Variants in NALCN observed in about 807,000 individuals in gnomAD.
The protein encoded by NALCN is sodium leak channel, non-selective.
In NALCN, 111 loss-of-function variants were observed where a neutral mutation model predicts 225.3. The observed-to-expected ratio is 0.49, with a 90% CI of 0.42 to 0.58. The LOEUF (loss-of-function observed/expected upper bound fraction) is 0.58. NALCN is among the 20% of genes least tolerant of loss of function. NALCN has a pLI of 0.00. For missense variants in NALCN, 1,378 were observed against 2,202.4 expected (o/e 0.63, Z 7.49); for synonymous variants, 764 against 769.0 (o/e 0.99, Z 0.11).
intron 3 of NALCN, among the ~76,000 whole-genome samples, chr13:101,389,100 C>T (rs1189352979): frequency 6.6e-6 from 1 of 152,202 alleles, no homozygotes; most frequent in Non-Finnish European, 1.5e-5. Context: ...CTATGCTTAT[C>T]TAAACCTAGT....
intron 12 of NALCN, among the ~76,000 whole-genome samples, chr13:101,231,689 G>GAGTT (rs1401512092): frequency 2.6e-5 from 4 of 152,278 alleles, no homozygotes; most frequent in Non-Finnish European, 5.9e-5. Flanking sequence ...ATAAGAGATT[G>GAGTT]AGTTGTCTGT....
intron 6 of NALCN, among the ~76,000 whole-genome samples, chr13:101,351,330 G>T (rs2045902953): frequency 1.3e-5 from 2 of 152,096 alleles, no homozygotes; most frequent in Admixed American, 1.3e-4. Flanking sequence ...CCTGGGAGCA[G>T]CTAATTGTTT....
At chr13:101,141,411 T>A (rs901300686) in intron 17 of NALCN, among the ~76,000 whole-genome samples, 6 of 152,174 alleles carry the variant, frequency 3.9e-5, no homozygotes, top group African/African-American at 1.4e-4. Flanking sequence ...ACTTGTCATT[T>A]ACAATCTTGG....
At chr13:101,173,104 G>GT (rs1328446578) in intron 15 of NALCN, among the ~76,000 whole-genome samples, 11 of 152,334 alleles carry the variant, frequency 7.2e-5, no homozygotes, top group Non-Finnish European at 1.2e-4. Flanking sequence ...CAGCAAGACT[G>GT]TAACTCCAGT....
intron 13 of NALCN, among the ~76,000 whole-genome samples, chr13:101,198,098 A>G (rs1236715189): frequency 4.6e-5 from 7 of 152,136 alleles, no homozygotes; most frequent in African/African-American, 7.2e-5. Flanking sequence ...AGAGGGTGAA[A>G]GCACAACAGG....
At chr13:101,133,661 G>C (rs1048870837) in intron 17 of NALCN, among the ~76,000 whole-genome samples, 2 of 152,122 alleles carry the variant, frequency 1.3e-5, no homozygotes, top group Admixed American at 1.3e-4. Flanking sequence ...TCATGTGTGT[G>C]GCAAGATGTT....
At chr13:101,371,973 A>G (rs2046552143) in intron 6 of NALCN, among the ~76,000 whole-genome samples, 1 of 152,222 alleles carries the variant, frequency 6.6e-6, no homozygotes, top group African/African-American at 2.4e-5. Flanking sequence ...CAATTGATTA[A>G]TAAGATAAAA....
At chr13:101,367,909 G>T (rs1011803090) in intron 6 of NALCN, among the ~76,000 whole-genome samples, 7 of 151,730 alleles carry the variant, frequency 4.6e-5, no homozygotes, top group African/African-American at 7.3e-5. Context: ...CTGCTTTCAC[G>T]GTTTGTCTTT....
At chr13:101,083,930 G>T (rs537728491) in intron 30 of NALCN, 126 bp from the exon 31 acceptor site, 1 of 758,712 alleles carries the variant, frequency 1.3e-6, no homozygotes, top group Non-Finnish European at 2.0e-6. Flanking sequence ...TCTTCCAACC[G>T]TGGTGGTGAG....
chr13:101,334,033 G>C (rs547496797), intron 7 of NALCN, among the ~76,000 whole-genome samples: 1 of 152,258 alleles, frequency 6.6e-6, no homozygotes, highest in African/African-American at 2.4e-5. Context: ...TCATAAATGT[G>C]ATCAGCCAGT....
intron 15 of NALCN, among the ~76,000 whole-genome samples, chr13:101,149,316 G>C (rs1011907044): frequency 4.6e-5 from 7 of 151,722 alleles, no homozygotes; most frequent in South Asian, 4.2e-4. Flanking sequence ...AAATTATAAA[G>C]GGACATGTTG....
At chr13:101,182,133 C>CAAAAAAAA (rs34387567) in intron 14 of NALCN, among the ~76,000 whole-genome samples, 5 of 73,422 alleles carry the variant, frequency 6.8e-5, no homozygotes, top group Admixed American at 2.0e-4. Context: ...GACTCCATCT[C>CAAAAAAAA]AAAAAAAAAA....
intron 7 of NALCN, among the ~76,000 whole-genome samples, chr13:101,330,353 C>T (rs1237372137): frequency 2.0e-5 from 3 of 152,078 alleles, no homozygotes; most frequent in Non-Finnish European, 4.4e-5. Context: ...ATCTTCAGGG[C>T]TTCTGGGTCC....
chr13:101,325,765 C>A (rs964703257), intron 7 of NALCN, among the ~76,000 whole-genome samples: 2 of 152,140 alleles, frequency 1.3e-5, no homozygotes, highest in Admixed American at 1.3e-4. Flanking sequence ...GGCTAGGAGA[C>A]AAGATGGTAA....
chr13:101,150,316 G>A (rs1035196373), intron 15 of NALCN, among the ~76,000 whole-genome samples: 9 of 152,176 alleles, frequency 5.9e-5, no homozygotes, highest in Non-Finnish European at 1.0e-4. Context: ...CCTGAGCAGG[G>A]TGCTGGGTGT....
At chr13:101,336,747 G>C (rs1282023183) in intron 7 of NALCN, among the ~76,000 whole-genome samples, 2 of 152,092 alleles carry the variant, frequency 1.3e-5, no homozygotes, top group Admixed American at 1.3e-4. Context: ...AAATCACCTT[G>C]TATAAATTTG....
At chr13:101,387,502 C>T (rs938915795) in intron 3 of NALCN, among the ~76,000 whole-genome samples, 1 of 152,170 alleles carries the variant, frequency 6.6e-6, no homozygotes, top group Admixed American at 6.5e-5. Flanking sequence ...ATATTCATAA[C>T]GTTCCTATTT....
intron 7 of NALCN, among the ~76,000 whole-genome samples, chr13:101,321,108 A>C (rs1417468002): frequency 6.6e-6 from 1 of 152,182 alleles, no homozygotes; most frequent in East Asian, 1.9e-4. Flanking sequence ...CCAAATCCTT[A>C]TTTAGAACAT....
At chr13:101,088,762 C>T (rs1457526156) in intron 30 of NALCN, among the ~76,000 whole-genome samples, 3 of 152,198 alleles carry the variant, frequency 2.0e-5, no homozygotes, top group Non-Finnish European at 4.4e-5. Context: ...TCCCCAAACT[C>T]ACACTTTGAT....
Sources: gnomAD v4.1 joint callset for allele counts (sites outside exome capture counted in the v4.1 genomes callset) on GRCh38, gnomAD v4.1.1 for gene constraint, MANE v1.5 for transcripts, NCBI Gene and HGNC (gene_info 2026-07-23, HGNC 2026-07-21) for gene names.